THRB: variants seen among roughly 807,000 people sequenced by gnomAD.
THRB encodes the protein thyroid hormone receptor beta, also known as nuclear receptor subfamily 1 group A member 2.
A neutral mutation model predicts 47.8 loss-of-function variants in THRB; 12 were observed. That is an observed-to-expected ratio of 0.25 (90% CI 0.16 to 0.41). THRB has a LOEUF of 0.41. Ranked by LOEUF, THRB falls within the 10% of genes least tolerant of loss-of-function variation. The pLI is 1.00. For missense variants in THRB, 348 were observed against 589.2 expected, an observed-to-expected ratio of 0.59 and a Z score of 4.24; for synonymous variants, 218 against 212.2, an observed-to-expected ratio of 1.03 and a Z score of -0.24.
rs2031119092 is a variant in THRB at position 24,118,961 on chromosome 3, TC to T, written c.*3922del. ...TTCTGTGATAAGGCCAAACCTTTTT[TC>T]CCCCAGTCTGGTTTTTTTTTTTTTT... is the stretch of plus-strand genomic sequence containing the variant. On this transcript the variant is annotated 3_prime_UTR_variant, in exon 11 of 11. Transcript: ENST00000646209. 1.4e-5 allele frequency: 2 copies of T among 146,772 alleles called. No individual in the cohort carries two copies. Among genetic ancestry groups the T allele is most frequent in the African/African-American group, 5.0e-5 (2 of 40,140 alleles). The allele number at this position is 146,772 out of a possible 1,614,324, so 9.1% of individuals were successfully genotyped here.
chr3:24,446,519 A>T (rs2072089668), intron 1 of THRB, among the ~76,000 whole-genome samples: 1 of 151,156 alleles, frequency 6.6e-6, no homozygotes, highest in Non-Finnish European at 1.5e-5. Flanking sequence ...CTGCTGCTAA[A>T]TTGTCATTCC....
intron 2 of THRB, among the ~76,000 whole-genome samples, chr3:24,311,899 G>T (rs1446630131): frequency 6.6e-6 from 1 of 152,182 alleles, no homozygotes; most frequent in Non-Finnish European, 1.5e-5. Flanking sequence ...TAGGTCCAAA[G>T]ACCTTGCAAT....
intron 1 of THRB, among the ~76,000 whole-genome samples, chr3:24,378,570 T>C (rs943313590): frequency 3.9e-5 from 6 of 152,156 alleles, no homozygotes; most frequent in African/African-American, 1.4e-4. Context: ...CACTGTTATC[T>C]GTTTCCTGCC....
At chr3:24,180,894 A>AACTC (rs1194318029) in intron 5 of THRB, among the ~76,000 whole-genome samples, 1 of 152,170 alleles carries the variant, frequency 6.6e-6, no homozygotes, top group Admixed American at 6.5e-5. Flanking sequence ...GAGTACTCAA[A>AACTC]ACTCAAAGCC....
At chr3:24,375,609 A>G (rs939932386) in intron 1 of THRB, among the ~76,000 whole-genome samples, 1 of 150,678 alleles carries the variant, frequency 6.6e-6, no homozygotes, top group Admixed American at 6.6e-5. Context: ...CTCAAGGAAT[A>G]TGCTAAAATG....
chr3:24,197,641 T>C (rs2044111555), intron 4 of THRB, among the ~76,000 whole-genome samples: 1 of 130,572 alleles, frequency 7.7e-6, no homozygotes, highest in Non-Finnish European at 1.6e-5. Context: ...TTGAACATAA[T>C]AAGAACAGAT....
chr3:24,205,035 C>T (rs2045140404), intron 4 of THRB, among the ~76,000 whole-genome samples: 3 of 152,110 alleles, frequency 2.0e-5, no homozygotes, highest in Non-Finnish European at 4.4e-5. Flanking sequence ...GATTGGTGTA[C>T]CTGAAAGTGA....
chr3:24,492,959 C>G (rs1299001496), intron 1 of THRB, among the ~76,000 whole-genome samples: 2 of 152,236 alleles, frequency 1.3e-5, no homozygotes, highest in Non-Finnish European at 2.9e-5. Context: ...CAGATGGTCT[C>G]ACTTCCAATA....
At chr3:24,226,923 A>G (rs750855034) in intron 4 of THRB, among the ~76,000 whole-genome samples, 2 of 152,172 alleles carry the variant, frequency 1.3e-5, no homozygotes, top group African/African-American at 2.4e-5. Flanking sequence ...AGCCAGAAAT[A>G]TTTATTCACT....
At chr3:24,129,195 C>T (rs151011262) in intron 9 of THRB, among the ~76,000 whole-genome samples, 336 of 152,244 alleles carry the variant, frequency 2.2e-3, no homozygotes, top group African/African-American at 7.7e-3. Flanking sequence ...TTCTCTCCTT[C>T]CGCTCATTTT....
intron 8 of THRB, among the ~76,000 whole-genome samples, chr3:24,141,045 C>G (rs998201360): frequency 6.6e-6 from 1 of 152,150 alleles, no homozygotes; most frequent in Non-Finnish European, 1.5e-5. Context: ...AAAAATGGCT[C>G]GGAGAAGCAG....
intron 5 of THRB, among the ~76,000 whole-genome samples, chr3:24,181,958 T>C (rs2041950373): frequency 6.6e-6 from 1 of 152,100 alleles, no homozygotes. Flanking sequence ...TCCCAGCACT[T>C]TGGGAGGCCA....
intron 5 of THRB, among the ~76,000 whole-genome samples, chr3:24,162,819 T>A (rs1373578470): frequency 6.6e-6 from 1 of 152,274 alleles, no homozygotes; most frequent in South Asian, 2.1e-4. Context: ...TTTGTACCTA[T>A]AATTTTTTTA....
chr3:24,341,020 A>C (rs2062604467), intron 1 of THRB, among the ~76,000 whole-genome samples: 1 of 151,094 alleles, frequency 6.6e-6, no homozygotes, highest in South Asian at 2.1e-4. Context: ...GTTTTCTGCT[A>C]CGTTGGTGGA....
intron 3 of THRB, among the ~76,000 whole-genome samples, chr3:24,278,920 C>A (rs1191886601): frequency 3.3e-5 from 5 of 152,042 alleles, no homozygotes; most frequent in Non-Finnish European, 7.4e-5. Flanking sequence ...TGTTAGCTCA[C>A]TGCAGCCTTG....
intron 3 of THRB, among the ~76,000 whole-genome samples, chr3:24,268,833 A>T (rs1352351739): frequency 6.6e-6 from 1 of 152,172 alleles, no homozygotes; most frequent in Non-Finnish European, 1.5e-5. Flanking sequence ...GAAGTGCTAC[A>T]TTCTATTATA....
At chr3:24,387,951 A>G (rs183881990) in intron 1 of THRB, among the ~76,000 whole-genome samples, 352 of 152,210 alleles carry the variant, frequency 2.3e-3, no homozygotes, top group Non-Finnish European at 4.0e-3. Context: ...GGTCAGTTCA[A>G]TGTTGATTGC....
At chr3:24,335,861 T>A (rs1408983050) in intron 2 of THRB, among the ~76,000 whole-genome samples, 2 of 152,080 alleles carry the variant, frequency 1.3e-5, no homozygotes, top group African/African-American at 4.8e-5. Flanking sequence ...AGTGTGCAAG[T>A]ATTGGGAGGT....
intron 3 of THRB, among the ~76,000 whole-genome samples, chr3:24,242,236 C>G (rs535141689): frequency 6.6e-6 from 1 of 152,172 alleles, no homozygotes; most frequent in Non-Finnish European, 1.5e-5. Flanking sequence ...AACAAGATGG[C>G]ATGTTTTAGC....
Sources: allele counts gnomAD v4.1 joint callset (sites outside exome capture counted in the v4.1 genomes callset), GRCh38; gene constraint gnomAD v4.1.1; transcripts MANE v1.5; gene names NCBI Gene and HGNC (gene_info 2026-07-23, HGNC 2026-07-21).